CNOT3: variants seen among roughly 807,000 people sequenced by gnomAD.
The protein encoded by CNOT3 is CCR4-NOT transcription complex subunit 3.
CNOT3 carries 2 observed loss-of-function variants against 89.4 expected under a neutral mutation model. The ratio of observed to expected loss-of-function variants is 0.02; its 90% CI spans 0.01 to 0.07. The LOEUF is 0.07. Among genes scored for constraint, CNOT3 ranks in the 10% least tolerant of loss-of-function variants. The probability of loss-of-function intolerance (pLI) is 1.00; values close to 1 mark genes in which losing one functional copy is unlikely to be tolerated. For missense variants in CNOT3, 664 were observed against 1,010.2 expected, an observed-to-expected ratio of 0.66 and a Z score of 4.65; for synonymous variants, 486 against 402.0, an observed-to-expected ratio of 1.21 and a Z score of -2.50.
At position 54,144,385 on chromosome 19, in the gene CNOT3, C is replaced by T. The variant is rs1450463987; in HGVS notation, c.483+53C>T. ...GGATGGGGATGGGCATGGGAATGGG[C>T]TGGCCAGCAGGAGGCCAGTCATTTA... On this transcript the variant is annotated intron_variant, in intron 7 of 17. Transcript: ENST00000221232. This position sits in a 1 kb window ranked among gnomAD's most constrained non-coding sequence, Gnocchi z 4.8. 4 of 1,391,748 alleles carry T rather than the reference C, an allele frequency of 2.9e-6. No individual in the cohort carries two copies. The highest frequency in any genetic ancestry group is 2.8e-5 in the African/African-American group (2 of 70,568). 86.2% of individuals were successfully genotyped at this position (1,391,748 alleles called of 1,614,324 possible). A position where few individuals can be genotyped will look rare whatever the true frequency, so the allele number is the denominator to read the frequency against.
chr19:54,142,778 T>C, intron 1 of CNOT3, 151 bp from the exon 2 acceptor site: 1 of 633,890 alleles, frequency 1.6e-6, no homozygotes. Context: ...CAAGCGAGCA[T>C]CAGGAGAACT....
At chr19:54,151,622 G>A (rs1600492432) in intron 13 of CNOT3, among the ~76,000 whole-genome samples, 1 of 152,194 alleles carries the variant, frequency 6.6e-6, no homozygotes, top group East Asian at 1.9e-4. Flanking sequence ...GGAGATGGGA[G>A]GAACCAGCCC....
At position 54,148,528 on chromosome 19, in the gene CNOT3, C is replaced by A; in HGVS notation, c.1275C>A (p.Gly425=). 1 of 1,560,176 alleles carries A rather than the reference C, an allele frequency of 6.4e-7. No homozygotes were observed. Residue 425 remains glycine, a synonymous_variant, in exon 11 of 18, where the codon GGC becomes GGA. Coordinates refer to ENST00000221232, the MANE Select transcript of CNOT3 (RefSeq NM_014516.4). The surrounding 1 kb of genome is among the most constrained non-coding windows in gnomAD (Gnocchi z 6.3). ...SAGGGAGKQN[G]ATSYSSVVAD... ...GTGGAGGGGCTGGCAAGCAGAATGG[C>A]GCCACCAGTGAGTGAGGAGGCAGCG...
intron 3 of CNOT3, 69 bp downstream of exon 3, chr19:54,143,255 T>A (rs2074526270): frequency 1.4e-6 from 2 of 1,431,446 alleles, no homozygotes; most frequent in African/African-American, 2.8e-5. Flanking sequence ...GCTCAGGACC[T>A]CTGGGTGTTG....
chr19:54,142,689 C>G, intron 1 of CNOT3: 2 of 581,566 alleles, frequency 3.4e-6, no homozygotes, highest in South Asian at 4.2e-5. Flanking sequence ...GAGTCAGAGG[C>G]ACACAAAAAA....
In CNOT3 at chr19:54,148,647, C is replaced by G; in HGVS notation, c.1310C>G (p.Pro437Arg). The change falls in exon 12 of 18, where the codon CCG becomes CGG. Residue 437 changes from proline (P) to arginine (R), a missense_variant. Physicochemically the swap from Pro to Arg is moderately radical, Grantham distance 103. Coordinates refer to ENST00000221232, the MANE Select transcript of CNOT3 (RefSeq NM_014516.4). The surrounding 1 kb of genome is among the most constrained non-coding windows in gnomAD (Gnocchi z 6.3). Reference sequence around the variant, plus strand: ...TACAGCTCAGTTGTGGCAGACAGCCCGGCAGAGGTGGCTTTGAGCAGCAGT... The same window carrying G: ...TACAGCTCAGTTGTGGCAGACAGCCGGGCAGAGGTGGCTTTGAGCAGCAGT... ...TSYSSVVADSPAEVALSSSGG... is the reference protein window; with the variant it reads ...TSYSSVVADSRAEVALSSSGG... 1.2e-6 allele frequency: 2 copies of G among 1,610,376 alleles called. No homozygotes were observed. The highest frequency in any genetic ancestry group is 1.7e-6 in the Non-Finnish European group (2 of 1,178,436).
intron 9 of CNOT3, 142 bp from the exon 10 acceptor site, chr19:54,146,459 G>A: frequency 1.4e-6 from 1 of 702,364 alleles, no homozygotes; most frequent in South Asian, 1.6e-5. Context: ...TCTCCAGGCA[G>A]ATTAAGGACA....
intron 13 of CNOT3, among the ~76,000 whole-genome samples, chr19:54,150,569 T>TGCCCAGGCTGTCCAGGTGGCAGTGTGCGC (rs2075022733): frequency 7.3e-6 from 1 of 137,500 alleles, no homozygotes; most frequent in Non-Finnish European, 1.6e-5. Flanking sequence ...CCAGTGTGTA[T>TGCCCAGGCTGTCCAGGTGGCAGTGTGCGC]GCCCAGGCTG....
rs1327421392 is a variant in CNOT3, at chr19:54,155,380, C to T, written c.2235C>T (p.Arg745=). The part of the protein sequence containing the change: ...RKKEGFTFEY[R]YLEDRDLQ Reference sequence around the variant, plus strand: ...AGGAAGGCTTCACCTTTGAGTACCGCTACCTGGAGGACCGGGACCTCCAGT... The same window carrying T: ...AGGAAGGCTTCACCTTTGAGTACCGTTACCTGGAGGACCGGGACCTCCAGT... Residue 745 remains arginine, a synonymous_variant, in exon 18 of 18, where the codon CGC becomes CGT. Coordinates refer to ENST00000221232, the MANE Select transcript of CNOT3 (RefSeq NM_014516.4). 6.2e-7 allele frequency: 1 copy of T among 1,611,476 alleles called. No individual in the cohort carries two copies. Among genetic ancestry groups the T allele is most frequent in the Non-Finnish European group, 8.5e-7 (1 of 1,178,308 alleles).
intron 17 of CNOT3, chr19:54,155,040 T>G (rs548623189): frequency 1.9e-6 from 1 of 533,210 alleles, no homozygotes; most frequent in South Asian, 2.3e-5. Context: ...GGCTGTGCAC[T>G]CACACCTGGG....
Position 54,153,927 on chromosome 19 carries a change from T to C in CNOT3, c.2163+87T>C, listed in dbSNP as rs770468532. On this transcript the variant is annotated intron_variant, in intron 17 of 17. Transcript: ENST00000221232. ...GCAGCCCCTGCTGGCCTCTGCTCCC[T>C]TGCCTCCACCTTTCAGCTGGCGCAG... is the stretch of plus-strand genomic sequence containing the variant. 2.6e-6 allele frequency: 4 copies of C among 1,552,760 alleles called. No individual in the cohort carries two copies. The East Asian group carries it at 6.7e-5, about 26-fold the overall frequency.
intron 1 of CNOT3, 63 bp from the exon 2 acceptor site, chr19:54,142,866 A>C (rs1162984352): frequency 9.4e-7 from 1 of 1,059,432 alleles, no homozygotes; most frequent in South Asian, 1.3e-5. Flanking sequence ...GACTAGGTCC[A>C]TGTCTCTGGG....
chr19:54,143,928 A>G, intron 5 of CNOT3, 78 bp from the exon 6 acceptor site: 1 of 1,558,664 alleles, frequency 6.4e-7, no homozygotes, highest in Non-Finnish European at 8.7e-7. Context: ...CACGAGGCTC[A>G]GGTCGGAGTG....
chr19:54,153,423 C>T (rs1471732792), intron 16 of CNOT3: 1 of 772,382 alleles, frequency 1.3e-6, no homozygotes, highest in African/African-American at 1.7e-5. Flanking sequence ...CACCCTCATC[C>T]CCACTTGGGA....
chr19:54,152,116 G>T (rs1163668351), intron 13 of CNOT3, 110 bp from the exon 14 acceptor site: 2 of 1,119,684 alleles, frequency 1.8e-6, no homozygotes, highest in African/African-American at 3.1e-5. Flanking sequence ...TGGGTCGTTG[G>T]CCCTCCACGG....
At position 54,148,143 on chromosome 19, in the gene CNOT3, C is replaced by T. The variant is rs373233998; in HGVS notation, c.895-5C>T. 57 of 1,492,104 alleles carry T rather than the reference C, an allele frequency of 3.8e-5. No individual in the cohort carries two copies. Among genetic ancestry groups the T allele is most frequent in the East Asian group, 5.0e-5 (2 of 40,082 alleles). 92.4% of individuals were successfully genotyped at this position (1,492,104 alleles called of 1,614,324 possible). ...TCCTGACCCTCTGCTCTCTCCCACC[C>T]GCAGTCTCCAGCCAAAAACGGCTCC... On this transcript the variant is annotated splice_polypyrimidine_tract_variant and splice_region_variant and intron_variant, in intron 10 of 17. Coordinates refer to ENST00000221232, the MANE Select transcript of CNOT3 (RefSeq NM_014516.4). The surrounding 1 kb of genome is among the most constrained non-coding windows in gnomAD (Gnocchi z 6.3).
intron 1 of CNOT3, among the ~76,000 whole-genome samples, chr19:54,138,350 C>G (rs1214736410): frequency 6.6e-6 from 1 of 152,148 alleles, no homozygotes; most frequent in Non-Finnish European, 1.5e-5. Context: ...GCCCGCCCCT[C>G]TCCGCGTCGG....
In CNOT3 at chr19:54,142,920, T is replaced by C; in HGVS notation, c.-50-9T>C. ...TACGTGTTAATTCCTCTCCAATCTC[T>C]CCTAGCAGCGTCCGTCTCCAAGAGA... is the stretch of plus-strand genomic sequence containing the variant. On this transcript the variant is annotated splice_polypyrimidine_tract_variant and intron_variant, in intron 1 of 17. Transcript: ENST00000221232. 6.4e-7 allele frequency: 1 copy of C among 1,570,668 alleles called. No individual in the cohort carries two copies. Among genetic ancestry groups the C allele is most frequent in the Non-Finnish European group, 8.8e-7 (1 of 1,141,764 alleles).
chr19:54,152,354 G>C, intron 14 of CNOT3, 29 bp downstream of exon 14: 1 of 1,614,150 alleles, frequency 6.2e-7, no homozygotes, highest in Admixed American at 1.7e-5. Context: ...TGGGGAAGCA[G>C]CGGGCCAAAG....
Sources: gnomAD v4.1 joint callset for allele counts (sites outside exome capture counted in the v4.1 genomes callset) on GRCh38, gnomAD v4.1.1 for gene constraint, Gnocchi (gnomAD v3.1) non-coding constraint, MANE v1.5 for transcripts, NCBI Gene and HGNC (gene_info 2026-07-23, HGNC 2026-07-21) for gene names.